ADGRD1: variants seen among roughly 807,000 people sequenced by gnomAD.
ADGRD1 encodes the protein adhesion G protein-coupled receptor D1.
ADGRD1 carries 77 observed loss-of-function variants against 113.4 expected under a neutral mutation model. The ratio of observed to expected loss-of-function variants is 0.68; its 90% CI spans 0.57 to 0.82. The LOEUF is 0.82. ADGRD1 is among the 40% of genes least tolerant of loss of function. The pLI, the probability that ADGRD1 is intolerant of heterozygous loss-of-function variation, is 0.00. For missense variants in ADGRD1, 1,036 were observed against 1,139.1 expected (o/e 0.91, Z 1.30); for synonymous variants, 474 against 475.0 (o/e 1.00, Z 0.03).
intron 6 of ADGRD1, chr12:130,989,269 T>C (rs1312869333): frequency 6.6e-6 from 1 of 152,270 alleles, no homozygotes; most frequent in East Asian, 1.9e-4. Context: ...CCTGCCCTCC[T>C]GACAGTTTAC....
Position 131,057,433 on chromosome 12 carries a change from A to G in ADGRD1, c.1474-19368A>G, listed in dbSNP as rs901617411. ...CCGTGACAAATGGCTAGTGGCTTTA[A>G]ACAGCAGAAAGCCGTTCTCCTGCAG... On this transcript the variant is annotated intron_variant, in intron 13 of 24. Coordinates refer to ENST00000261654, the MANE Select transcript of ADGRD1 (RefSeq NM_198827.5). This position sits in a 1 kb window ranked among gnomAD's most constrained non-coding sequence, Gnocchi z 4.2. Among the ~76,000 whole-genome samples the G allele has an allele frequency of 2.0e-5, 3 of 152,142 alleles. No individual in the cohort carries two copies. Among genetic ancestry groups the G allele is most frequent in the Non-Finnish European group, 4.4e-5 (3 of 68,026 alleles).
chr12:130,976,202 C>T (rs1050139376), intron 4 of ADGRD1, among the ~76,000 whole-genome samples: 8 of 135,120 alleles, frequency 5.9e-5, no homozygotes, highest in Non-Finnish European at 1.1e-4. Context: ...CTGGGGGACA[C>T]GGGCCTGGCA....
chr12:130,968,983 G>C, intron 3 of ADGRD1: 1 of 1,532,028 alleles, frequency 6.5e-7, no homozygotes, highest in East Asian at 2.4e-5. Flanking sequence ...CCAGCGTCCC[G>C]AACCCACAAG....
chr12:131,073,420 A>C (rs777479172), intron 13 of ADGRD1, among the ~76,000 whole-genome samples: 18 of 152,238 alleles, frequency 1.2e-4, no homozygotes, highest in African/African-American at 4.1e-4. Context: ...GGGCTGCCCC[A>C]GATGTTCCAC....
rs966046066 is a variant in ADGRD1, at chr12:131,022,597, C to T, written c.1473+8257C>T. ...TTACGGATTCTGTTGCTCCCGTTGTCGCGGCCGTGACCGTCGGGAGCTCTG... is the reference window on the plus strand; with the variant it reads ...TTACGGATTCTGTTGCTCCCGTTGTTGCGGCCGTGACCGTCGGGAGCTCTG... On this transcript the variant is annotated intron_variant, in intron 13 of 24. Coordinates refer to ENST00000261654, the MANE Select transcript of ADGRD1 (RefSeq NM_198827.5). This position sits in a 1 kb window ranked among gnomAD's most constrained non-coding sequence, Gnocchi z 4.6. 3.3e-5 allele frequency among the ~76,000 whole-genome samples: 5 copies of T among 152,284 alleles called. No individual in the cohort carries two copies. The highest frequency in any genetic ancestry group is 1.3e-4 in the Admixed American group (2 of 15,292).
chr12:131,042,987 G>A (rs74471427), intron 13 of ADGRD1, among the ~76,000 whole-genome samples: 4,583 of 152,340 alleles, frequency 0.03, 103 homozygotes, highest in Middle Eastern at 0.085. Context: ...CCCGCCCTGC[G>A]GCCCTGCCAA....
intron 8 of ADGRD1, among the ~76,000 whole-genome samples, chr12:130,999,644 A>G (rs966936614): frequency 1.4e-4 from 21 of 152,166 alleles, no homozygotes; most frequent in Non-Finnish European, 8.8e-5. Context: ...GTGTGTGAAT[A>G]ATGCAGATGA....
At chr12:131,056,649 G>A (rs1883883728) in intron 13 of ADGRD1, among the ~76,000 whole-genome samples, 1 of 152,178 alleles carries the variant, frequency 6.6e-6, no homozygotes, top group Admixed American at 6.5e-5. Flanking sequence ...TATTCCATGA[G>A]CAAGAGGCAT....
intron 19 of ADGRD1, among the ~76,000 whole-genome samples, chr12:131,119,531 C>T (rs148042538): frequency 6.2e-4 from 94 of 152,322 alleles, no homozygotes; most frequent in African/African-American, 2.2e-3. Flanking sequence ...GGGGTCTGAC[C>T]GTAATACAAG....
chr12:131,031,097 G>A (rs1880677476), intron 13 of ADGRD1, among the ~76,000 whole-genome samples: 1 of 152,150 alleles, frequency 6.6e-6, no homozygotes, highest in Non-Finnish European at 1.5e-5. Context: ...CACCACACTG[G>A]GCCCCGGGGA....
intron 6 of ADGRD1, 66 bp from the exon 7 acceptor site, chr12:130,990,948 C>A: frequency 8.1e-7 from 1 of 1,231,742 alleles, no homozygotes; most frequent in Non-Finnish European, 1.2e-6. Context: ...TTAACAAGGA[C>A]AGGTCTTCCT....
intron 13 of ADGRD1, among the ~76,000 whole-genome samples, chr12:131,021,985 T>A (rs1879373584): frequency 1.3e-5 from 2 of 152,214 alleles, no homozygotes; most frequent in African/African-American, 4.8e-5. Flanking sequence ...ATTACAGGTA[T>A]GAGCCACCGC....
At chr12:131,128,722 T>C (rs566769786) in intron 20 of ADGRD1, among the ~76,000 whole-genome samples, 2 of 152,310 alleles carry the variant, frequency 1.3e-5, no homozygotes, top group South Asian at 4.1e-4. Flanking sequence ...TGTAACTACA[T>C]ACCCACCCCA....
At chr12:131,095,159 G>A (rs1420513388) in intron 15 of ADGRD1, among the ~76,000 whole-genome samples, 1 of 152,204 alleles carries the variant, frequency 6.6e-6, no homozygotes, top group African/African-American at 2.4e-5. Flanking sequence ...GGGACATTGG[G>A]AAATGGGCCT....
rs1042247140 is a variant in ADGRD1, at chr12:130,965,881, G to A, written c.104-582G>A. Among the ~76,000 whole-genome samples the A allele has an allele frequency of 2.0e-5, 3 of 152,166 alleles. No homozygotes were observed. The highest frequency in any genetic ancestry group is 1.3e-4 in the Admixed American group (2 of 15,274). On this transcript the variant is annotated intron_variant, in intron 2 of 24. Coordinates refer to ENST00000261654, the MANE Select transcript of ADGRD1 (RefSeq NM_198827.5). The surrounding 1 kb of genome is among the most constrained non-coding windows in gnomAD (Gnocchi z 4.8). Reference sequence around the variant, plus strand: ...ATTAAATTGAGAAAGTGAGTATTGCGTCTACAATGAGCTGGCAGTGTGATT... The same window carrying A: ...ATTAAATTGAGAAAGTGAGTATTGCATCTACAATGAGCTGGCAGTGTGATT...
intron 13 of ADGRD1, among the ~76,000 whole-genome samples, chr12:131,047,345 C>T (rs193041128): frequency 4.1e-4 from 63 of 152,310 alleles, no homozygotes; most frequent in Non-Finnish European, 7.5e-4. Context: ...GAGACTGCTC[C>T]GGTGTCCTCC....
intron 17 of ADGRD1, among the ~76,000 whole-genome samples, chr12:131,108,317 A>C (rs1451934780): frequency 6.6e-6 from 1 of 152,182 alleles, no homozygotes; most frequent in African/African-American, 2.4e-5. Flanking sequence ...CGTGGCTTCC[A>C]AAGTTCCTTG....
At chr12:130,972,747 T>C (rs1477071671) in intron 4 of ADGRD1, among the ~76,000 whole-genome samples, 3 of 152,166 alleles carry the variant, frequency 2.0e-5, no homozygotes, top group Non-Finnish European at 4.4e-5. Flanking sequence ...TGGCTTTTTC[T>C]GGGTTTCTAG....
Position 130,954,841 on chromosome 12 carries a change from G to A in ADGRD1, c.103+181G>A, listed in dbSNP as rs561075012. ...CTGGGCAGCTCTGCTACCCCTCACC[G>A]GCTGAGCGGTGGATGGAGAAGTGGT... On this transcript the variant is annotated intron_variant, in intron 2 of 24. Transcript: ENST00000261654. The surrounding 1 kb of genome is among the most constrained non-coding windows in gnomAD (Gnocchi z 4.7). Among the ~76,000 whole-genome samples, 12 of 152,192 alleles carry A rather than the reference G, an allele frequency of 7.9e-5. No homozygotes were observed. The highest frequency in any genetic ancestry group is 6.5e-4 in the Admixed American group (10 of 15,280).
Sources: allele counts gnomAD v4.1 joint callset (sites outside exome capture counted in the v4.1 genomes callset), GRCh38; gene constraint gnomAD v4.1.1; non-coding constraint Gnocchi (gnomAD v3.1); transcripts MANE v1.5; gene names NCBI Gene and HGNC (gene_info 2026-07-23, HGNC 2026-07-21).